TNXB: variants seen among roughly 807,000 people sequenced by gnomAD.
TNXB encodes tenascin-X.
TNXB carries 183 observed loss-of-function variants against 340.5 expected under a neutral mutation model. The observed-to-expected ratio is 0.54, with a 90% CI of 0.48 to 0.61. The LOEUF (loss-of-function observed/expected upper bound fraction) is 0.61. TNXB is among the 20% of genes least tolerant of loss of function. TNXB has a pLI of 0.00. For synonymous variants in TNXB, 2,121 were observed against 2,314.5 expected (o/e 0.92, Z 2.40); for missense variants, 4,613 against 5,446.4 (o/e 0.85, Z 4.82).
intron 23 of TNXB, 73 bp from the exon 24 acceptor site, chr6:32,056,247 G>T (rs1777635183): frequency 2.0e-6 from 3 of 1,523,214 alleles, no homozygotes; most frequent in African/African-American, 1.4e-5. Context: ...GAAGGAGGGA[G>T]AAACCATGGC....
rs761434355 is a variant in TNXB, at chr6:32,089,282, G to A, written c.2456C>T (p.Thr819Ile). The A allele has an allele frequency of 6.2e-7, 1 of 1,607,752 alleles. No homozygotes were observed. The highest frequency in any genetic ancestry group is 8.5e-7 in the Non-Finnish European group (1 of 1,178,196). Residue 819 changes from threonine (T) to isoleucine (I), a missense_variant, in exon 5 of 44, where the codon ACT becomes ATT. Transcript: ENST00000644971. This position sits in a 1 kb window ranked among gnomAD's most constrained non-coding sequence, Gnocchi z 6.2. ...GLAPGQEYQV[T>I]VRALRGTSWG... ...GCTGGTCCCTCGAAGGGCTCGGACA[G>A]TGACCTGGTACTCCTGTCCAGGGGC...
At position 32,047,834 on chromosome 6, in the gene TNXB, G is replaced by C; in HGVS notation, c.10224C>G (p.Val3408=). ...TACTGGGCTCCAGGCCCTGGACTGTGACCTCCCGCTGGTTGGCTGCCACCG... is the reference window on the plus strand; with the variant it reads ...TACTGGGCTCCAGGCCCTGGACTGTCACCTCCCGCTGGTTGGCTGCCACCG... ...VVPVAANQRE[V]TVQGLEPSRK... The change falls in exon 30 of 44, where the codon GTC becomes GTG. Residue 3408 remains valine (V), a synonymous_variant. Transcript: ENST00000644971. This position sits in a 1 kb window ranked among gnomAD's most constrained non-coding sequence, Gnocchi z 6.2. 6.2e-7 allele frequency: 1 copy of C among 1,611,968 alleles called. No individual in the cohort carries two copies. Among genetic ancestry groups the C allele is most frequent in the Non-Finnish European group, 8.5e-7 (1 of 1,179,480 alleles).
intron 22 of TNXB, among the ~76,000 whole-genome samples, chr6:32,057,201 C>A (rs1221054304): frequency 6.6e-6 from 1 of 152,134 alleles, no homozygotes; most frequent in Non-Finnish European, 1.5e-5. Context: ...CCCCTGGCCT[C>A]CCAGCACTGG....
At position 32,070,095 on chromosome 6, in the gene TNXB, C is replaced by T; in HGVS notation, c.5278+32G>A. 6.6e-7 allele frequency: 1 copy of T among 1,513,514 alleles called. No homozygotes were observed. The highest frequency in any genetic ancestry group is 8.8e-7 in the Non-Finnish European group (1 of 1,132,650). The allele number at this position is 1,513,514 out of a possible 1,614,324, so 93.8% of individuals were successfully genotyped here. Reference sequence around the variant, plus strand: ...CGTCTGCTGCTTGGCCTGAGGGGAGCAGAGCAGGGACCTGCAGGGAATGCC... The same window carrying T: ...CGTCTGCTGCTTGGCCTGAGGGGAGTAGAGCAGGGACCTGCAGGGAATGCC... On this transcript the variant is annotated intron_variant, in intron 14 of 43. Coordinates refer to ENST00000644971, the MANE Select transcript of TNXB (RefSeq NM_001365276.2). The surrounding 1 kb of genome is among the most constrained non-coding windows in gnomAD (Gnocchi z 6.0).
chr6:32,052,743 G>A lies in TNXB; in HGVS notation c.9042C>T (p.Cys3014=). The part of the protein sequence containing the change: ...EVTVGGLEPG[C]KYKMHLYGLH... ...GGCCGTACAGGTGCATCTTGTATTT[G>A]CACCCGGGCTCCAGGCCCCCCACGG... The change falls in exon 26 of 44, where the codon TGC becomes TGT. Residue 3014 remains cysteine, a synonymous_variant. Transcript: ENST00000644971. This position sits in a 1 kb window ranked among gnomAD's most constrained non-coding sequence, Gnocchi z 4.7. The A allele has an allele frequency of 5.6e-6, 9 of 1,613,812 alleles. No individual in the cohort carries two copies. The highest frequency in any genetic ancestry group is 2.2e-5 in the East Asian group (1 of 44,876).
Position 32,081,272 on chromosome 6 carries a change from A to T in TNXB, c.4042+96T>A. The T allele has an allele frequency of 7.9e-7, 1 of 1,270,670 alleles. No individual in the cohort carries two copies. Among genetic ancestry groups the T allele is most frequent in the Non-Finnish European group, 1.1e-6 (1 of 927,462 alleles). 78.7% of individuals were successfully genotyped at this position (1,270,670 alleles called of 1,614,324 possible). ...GGAGGCTTTGGCAAAATGAGCTGAG[A>T]AGGCGAAGATGGAGGGAGGCTGGAA... On this transcript the variant is annotated intron_variant, in intron 10 of 43. Coordinates refer to ENST00000644971, the MANE Select transcript of TNXB (RefSeq NM_001365276.2). The surrounding 1 kb of genome is among the most constrained non-coding windows in gnomAD (Gnocchi z 5.1).
chr6:32,104,208 C>T (rs2127303813), intron 1 of TNXB, among the ~76,000 whole-genome samples: 1 of 152,288 alleles, frequency 6.6e-6, no homozygotes, highest in East Asian at 1.9e-4. Flanking sequence ...ATTAATAGAC[C>T]TACTGCTCTA....
rs1345614534 is a variant in TNXB, at chr6:32,083,342, G to T, written c.3446-1016C>A. Among the ~76,000 whole-genome samples, 1 of 152,096 alleles carries T rather than the reference G, an allele frequency of 6.6e-6. No homozygotes were observed. The highest frequency in any genetic ancestry group is 1.5e-5 in the Non-Finnish European group (1 of 68,018). The stretch of plus-strand genomic sequence containing the variant: ...TCCCCAACCCCACACGACTACTCTG[G>T]TGCCTCAATTCTCCTGACCTATAAA... On this transcript the variant is annotated intron_variant, in intron 8 of 43. Coordinates refer to ENST00000644971, the MANE Select transcript of TNXB (RefSeq NM_001365276.2). This position sits in a 1 kb window ranked among gnomAD's most constrained non-coding sequence, Gnocchi z 4.6.
Position 32,085,966 on chromosome 6 carries a change from G to C in TNXB, c.2932C>G (p.Arg978Gly), listed in dbSNP as rs377379714. 6.2e-7 allele frequency: 1 copy of C among 1,608,074 alleles called. No individual in the cohort carries two copies. The highest frequency in any genetic ancestry group is 1.7e-5 in the Admixed American group (1 of 60,018). Residue 978 changes from arginine to glycine, a missense_variant, in exon 7 of 44, where the codon CGT (arginine) becomes GGT (glycine). Physicochemically the swap from Arg to Gly is moderately radical, Grantham distance 125. Coordinates refer to ENST00000644971, the MANE Select transcript of TNXB (RefSeq NM_001365276.2). This position sits in a 1 kb window ranked among gnomAD's most constrained non-coding sequence, Gnocchi z 6.4. ...TCAGGCTGGGCGGTCCAGACCACAC[G>C]GAGGCGCCCTGTCTCATCTCTGCCC... ...VLGRDETGRL[R>G]VVWTAQPDTF...
intron 3 of TNXB, among the ~76,000 whole-genome samples, 197 bp downstream of exon 3, chr6:32,095,414 A>C: frequency 6.6e-6 from 1 of 151,894 alleles, no homozygotes; most frequent in African/African-American, 2.4e-5. Flanking sequence ...ATGGGCCCCA[A>C]CCTGCTCCTC....
chr6:32,058,185 C>T lies in TNXB; in HGVS notation c.7698G>A (p.Val2566=), dbSNP rs1235549505. 1.2e-6 allele frequency: 2 copies of T among 1,612,566 alleles called. No homozygotes were observed. The highest frequency in any genetic ancestry group is 1.1e-5 in the South Asian group (1 of 91,060). ...CCTTGCTCTCCTGGCCCCCAACACG[C>T]ACCGCCTGGGGCCGCCCGTCCCTGT... ...YKDRDGRPQA[V]RVGGQESKVT... The change falls in exon 22 of 44, where the codon GTG becomes GTA. Residue 2566 remains valine, a synonymous_variant. Transcript: ENST00000644971. This position sits in a 1 kb window ranked among gnomAD's most constrained non-coding sequence, Gnocchi z 5.1.
At position 32,046,727 on chromosome 6, in the gene TNXB, A is replaced by C; in HGVS notation, c.10325-271T>G. 1 of 367,872 alleles carries C rather than the reference A, an allele frequency of 2.7e-6. No individual in the cohort carries two copies. 22.8% of individuals were successfully genotyped at this position (367,872 alleles called of 1,614,324 possible). A position where few individuals can be genotyped will look rare whatever the true frequency, so the allele number is the denominator to read the frequency against. ...GGATGCGCCAAATTCATTACAGATC[A>C]TCTCCCGAGGGATGGGTGGCTGGGG... is the stretch of plus-strand genomic sequence containing the variant. On this transcript the variant is annotated intron_variant, in intron 30 of 43. Coordinates refer to ENST00000644971, the MANE Select transcript of TNXB (RefSeq NM_001365276.2). The surrounding 1 kb of genome is among the most constrained non-coding windows in gnomAD (Gnocchi z 6.9).
At chr6:32,095,329 G>A (rs1780268138) in intron 3 of TNXB, 138 bp from the exon 4 acceptor site, 6 of 725,492 alleles carry the variant, frequency 8.3e-6, no homozygotes, top group Non-Finnish European at 1.4e-5. Flanking sequence ...AGCTGACAGA[G>A]GGCTGAACGG....
chr6:32,081,583 G>A lies in TNXB; in HGVS notation c.3827C>T (p.Ser1276Phe), dbSNP rs1342196320. 3 of 1,603,346 alleles carry A rather than the reference G, an allele frequency of 1.9e-6. No homozygotes were observed. Among genetic ancestry groups the A allele is most frequent in the Middle Eastern group, 3.3e-4 (2 of 6,074 alleles). Residue 1276 changes from serine (S) to phenylalanine (F), a missense_variant, in exon 10 of 44, where the codon TCC becomes TTC. By Grantham distance (155) the Ser-to-Phe change is radical. Coordinates refer to ENST00000644971, the MANE Select transcript of TNXB (RefSeq NM_001365276.2). The surrounding 1 kb of genome is among the most constrained non-coding windows in gnomAD (Gnocchi z 5.1). ...ELTVTGVTPD[S>F]LRLSWTVAQG... ...GGCCACTGTCCATGAGAGACGCAAG[G>A]AGTCTGGGGTCACGCCGGTCACTGT...
rs1306666803 is a variant in TNXB, at chr6:32,042,830, T to C, written c.11927A>G (p.Glu3976Gly). The part of the protein sequence containing the change: ...SFHTPGGQNQ[E>G]ILLPGGITSH... ...TGTGATCCCTCCTGGGAGCAGGATC[T>C]CCTGTGGGACAGACAAGGGGGGGTC... The change falls in exon 39 of 44, where the codon GAG becomes GGG. Residue 3976 changes from glutamate to glycine, a missense_variant and splice_region_variant. Glu to Gly is a moderately conservative substitution (Grantham distance 98, BLOSUM62 -2). Transcript: ENST00000644971. 1.9e-6 allele frequency: 1 copy of C among 531,732 alleles called. No homozygotes were observed. Among genetic ancestry groups the C allele is most frequent in the East Asian group, 3.2e-5 (1 of 31,708 alleles). The allele number at this position is 531,732 out of a possible 1,614,324, so 32.9% of individuals were successfully genotyped here. A position where few individuals can be genotyped will look rare whatever the true frequency, so the allele number is the denominator to read the frequency against.
rs577196501 is a variant in TNXB, at chr6:32,064,821, C to T, written c.6841G>A (p.Ala2281Thr). 18 of 1,609,626 alleles carry T rather than the reference C, an allele frequency of 1.1e-5. No homozygotes were observed. In the South Asian group the frequency reaches 1.8e-4, roughly 16 times the overall value. The change falls in exon 19 of 44, where the codon GCC becomes ACC. Residue 2281 changes from alanine (A) to threonine (T), a missense_variant and splice_region_variant. Ala to Thr is a moderately conservative substitution (Grantham distance 58). Transcript: ENST00000644971. The surrounding 1 kb of genome is among the most constrained non-coding windows in gnomAD (Gnocchi z 5.3). Reference sequence around the variant, plus strand: ...GCCCAGTGCCCTACTGCACACTCACCAGTTAAACCAACAGCAGACACGGGG... The same window carrying T: ...GCCCAGTGCCCTACTGCACACTCACTAGTTAAACCAACAGCAGACACGGGG... Reference protein sequence around the residue: ...VGPVSAVGLTAPGKDEEMAPA... With the variant: ...VGPVSAVGLTTPGKDEEMAPA...
intron 1 of TNXB, among the ~76,000 whole-genome samples, chr6:32,101,175 C>T (rs1382321105): frequency 2.0e-5 from 3 of 151,454 alleles, no homozygotes; most frequent in Non-Finnish European, 4.4e-5. Context: ...ACAGGTACTC[C>T]AGAAAAGAAT....
chr6:32,099,288 C>A (rs1780590873), intron 1 of TNXB, among the ~76,000 whole-genome samples: 1 of 150,286 alleles, frequency 6.7e-6, no homozygotes, highest in South Asian at 2.1e-4. Flanking sequence ...GGCTGGAGTG[C>A]AGTGGTGCGA....
Position 32,062,585 on chromosome 6 carries a change from G to A in TNXB, c.6842-102C>T. The A allele has an allele frequency of 8.9e-7, 1 of 1,118,634 alleles. No homozygotes were observed. Among genetic ancestry groups the A allele is most frequent in the Non-Finnish European group, 1.2e-6 (1 of 804,326 alleles). The allele number at this position is 1,118,634 out of a possible 1,614,324, so 69.3% of individuals were successfully genotyped here. A position where few individuals can be genotyped will look rare whatever the true frequency, so the allele number is the denominator to read the frequency against. On this transcript the variant is annotated intron_variant, in intron 19 of 43. Transcript: ENST00000644971. The surrounding 1 kb of genome is among the most constrained non-coding windows in gnomAD (Gnocchi z 4.3). ...CACACCAAGGGCCCACAGTCTGGAT[G>A]CTGGTGCCCCAAGCTTAGAATATCA...
Sources: allele counts gnomAD v4.1 joint callset (sites outside exome capture counted in the v4.1 genomes callset), GRCh38; gene constraint gnomAD v4.1.1; non-coding constraint Gnocchi (gnomAD v3.1); transcripts MANE v1.5; gene names NCBI Gene and HGNC (gene_info 2026-07-23, HGNC 2026-07-21).